The following OPCML variants were observed in gnomAD, a reference collection of about 807,000 sequenced individuals.
OPCML encodes opioid binding protein/cell adhesion molecule like.
OPCML carries 13 observed loss-of-function variants against 37.8 expected under a neutral mutation model. The observed-to-expected ratio is 0.34, with a 90% confidence interval of 0.22 to 0.55. The LOEUF (loss-of-function observed/expected upper bound fraction) is 0.55, where lower values mean the gene tolerates loss of function less well. OPCML is among the 20% of genes least tolerant of loss of function. OPCML has a pLI of 0.91. For missense variants in OPCML, 341 were observed against 435.6 expected, an observed-to-expected ratio of 0.78 and a Z score of 1.93; for synonymous variants, 176 against 168.8, an observed-to-expected ratio of 1.04 and a Z score of -0.33.
At chr11:132,492,133 A>G (rs1211802438) in intron 4 of OPCML, among the ~76,000 whole-genome samples, 1 of 151,900 alleles carries the variant, frequency 6.6e-6, no homozygotes, top group Non-Finnish European at 1.5e-5. Context: ...GAAGAGTATA[A>G]GAGGTGTCAC....
Position 133,140,473 on chromosome 11 carries a change from C to A in OPCML, c.62-197463G>T, listed in dbSNP as rs965165908. On this transcript the variant is annotated intron_variant, in intron 1 of 7. Transcript: ENST00000524381. ...GAGGTTGCAGTGAGCCGAGATTGCA[C>A]CACTGCACTCCAGCCTGGGTGACAA... Among the ~76,000 whole-genome samples the A allele has an allele frequency of 4.1e-5, 6 of 145,582 alleles. No individual in the cohort carries two copies. The South Asian group carries it at 8.6e-4, about 21-fold the overall frequency.
intron 1 of OPCML, among the ~76,000 whole-genome samples, chr11:132,954,100 CTTCA>C (rs1186525108): frequency 1.3e-5 from 2 of 151,700 alleles, no homozygotes; most frequent in Non-Finnish European, 2.9e-5. Context: ...TAATTCACTA[CTTCA>C]TTCAAACATT....
intron 1 of OPCML, among the ~76,000 whole-genome samples, chr11:133,034,854 A>C (rs1024256036): frequency 6.6e-6 from 1 of 151,654 alleles, no homozygotes; most frequent in African/African-American, 2.4e-5. Context: ...TGGACCCCAG[A>C]TCTTTTTTTA....
chr11:132,943,170 G>A lies in OPCML; in HGVS notation c.62-160C>T. 1 of 1,597,082 alleles carries A rather than the reference G, an allele frequency of 6.3e-7. No homozygotes were observed. Among genetic ancestry groups the A allele is most frequent in the Non-Finnish European group, 8.6e-7 (1 of 1,168,256 alleles). ...CCGCCCCGCGCACCAGCGGGCTCGG[G>A]AAGCGGTGCGGGGAGGAGGGAAGGG... is the stretch of plus-strand genomic sequence containing the variant. On this transcript the variant is annotated intron_variant, in intron 1 of 7. Transcript: ENST00000524381. This position sits in a 1 kb window ranked among gnomAD's most constrained non-coding sequence, Gnocchi z 4.3.
intron 1 of OPCML, among the ~76,000 whole-genome samples, chr11:133,294,131 A>C (rs561717031): frequency 6.6e-6 from 1 of 152,186 alleles, no homozygotes; most frequent in South Asian, 2.1e-4. Context: ...AAAAGTCATC[A>C]CTGTGGGTCC....
intron 1 of OPCML, among the ~76,000 whole-genome samples, chr11:133,256,152 G>A (rs1461943027): frequency 6.6e-6 from 1 of 152,194 alleles, no homozygotes; most frequent in Non-Finnish European, 1.5e-5. Context: ...AGGAACTCGA[G>A]CATTGTAAGT....
At chr11:133,008,371 G>A (rs1388891151) in intron 1 of OPCML, 1 of 985,250 alleles carries the variant, frequency 1.0e-6, no homozygotes, top group African/African-American at 1.7e-5. Context: ...TTCAAAATCA[G>A]AGCACAATTT....
chr11:133,029,114 T>G (rs1207779959), intron 1 of OPCML, among the ~76,000 whole-genome samples: 1 of 152,048 alleles, frequency 6.6e-6, no homozygotes, highest in Admixed American at 6.6e-5. Flanking sequence ...TATGAAAAAA[T>G]GTTCGACATC....
chr11:132,682,397 TATC>T (rs1942987033), intron 2 of OPCML, among the ~76,000 whole-genome samples: 1 of 152,224 alleles, frequency 6.6e-6, no homozygotes, highest in Admixed American at 6.5e-5. Flanking sequence ...TTTTATAACA[TATC>T]ATCTTTTAAA....
chr11:133,007,557 T>C (rs192471250), intron 1 of OPCML: 34 of 985,484 alleles, frequency 3.5e-5, no homozygotes, highest in Non-Finnish European at 1.2e-6. Flanking sequence ...TCAAAGGTGT[T>C]TGAGCCTTCA....
In OPCML at chr11:132,938,830, A is replaced by C. The variant is rs553635858; in HGVS notation, c.146+4096T>G. ...CTTGCTCAGAGGCTCTAGGGCCAGA[A>C]AGGGCTTTAGAGCAGTGTTCTCAAT... On this transcript the variant is annotated intron_variant, in intron 2 of 7. Coordinates refer to ENST00000524381, the MANE Select transcript of OPCML (RefSeq NM_001012393.5). 1.9e-4 allele frequency among the ~76,000 whole-genome samples: 29 copies of C among 152,300 alleles called. No homozygotes were observed. In the East Asian group the frequency reaches 5.4e-3, roughly 28 times the overall value.
At chr11:132,632,677 G>A (rs58105853) in intron 3 of OPCML, among the ~76,000 whole-genome samples, 4,170 of 152,106 alleles carry the variant, frequency 0.027, 164 homozygotes, top group African/African-American at 0.09. Flanking sequence ...CCTATCTTCA[G>A]CAAGGCGAGG....
chr11:132,555,055 C>G (rs369913864), intron 3 of OPCML, among the ~76,000 whole-genome samples: 2 of 151,784 alleles, frequency 1.3e-5, no homozygotes, highest in Non-Finnish European at 2.9e-5. Context: ...GGCGGGAGCA[C>G]TGCGTGATGA....
At chr11:133,054,501 T>A (rs994967220) in intron 1 of OPCML, among the ~76,000 whole-genome samples, 1 of 152,180 alleles carries the variant, frequency 6.6e-6, no homozygotes, top group Admixed American at 6.5e-5. Flanking sequence ...GGAACACTGC[T>A]CTCCCAGGGC....
intron 4 of OPCML, among the ~76,000 whole-genome samples, chr11:132,473,065 G>A (rs1240994439): frequency 6.6e-6 from 1 of 152,176 alleles, no homozygotes; most frequent in Admixed American, 6.5e-5. Context: ...TGGTTAGAGA[G>A]AACAGCTGTT....
At chr11:132,506,456 A>G (rs2096256982) in intron 4 of OPCML, among the ~76,000 whole-genome samples, 1 of 152,226 alleles carries the variant, frequency 6.6e-6, no homozygotes, top group South Asian at 2.1e-4. Context: ...TCATAATACG[A>G]AAGAATGAGG....
intron 1 of OPCML, among the ~76,000 whole-genome samples, chr11:133,452,021 A>C (rs1487817386): frequency 6.6e-6 from 1 of 151,522 alleles, no homozygotes; most frequent in Non-Finnish European, 1.5e-5. Context: ...CTAAAACCAA[A>C]GAACAAAAAT....
intron 1 of OPCML, among the ~76,000 whole-genome samples, chr11:133,289,131 T>G (rs1474508252): frequency 1.3e-5 from 2 of 152,204 alleles, no homozygotes; most frequent in African/African-American, 4.8e-5. Flanking sequence ...CTTGTTTTTG[T>G]TGAAATGAGA....
At chr11:132,609,887 TC>T in intron 3 of OPCML, among the ~76,000 whole-genome samples, 1 of 152,328 alleles carries the variant, frequency 6.6e-6, no homozygotes, top group South Asian at 2.1e-4. Flanking sequence ...GGTGCTGACA[TC>T]TACTTTAGTG....
Sources: allele counts gnomAD v4.1 joint callset (sites outside exome capture counted in the v4.1 genomes callset), GRCh38; gene constraint gnomAD v4.1.1; non-coding constraint Gnocchi (gnomAD v3.1); transcripts MANE v1.5; gene names NCBI Gene and HGNC (gene_info 2026-07-23, HGNC 2026-07-21).